The following B3GLCT variants were observed in gnomAD, a reference collection of about 807,000 sequenced individuals.
B3GLCT encodes the protein beta-1,3-glucosyltransferase.
B3GLCT carries 65 observed loss-of-function variants against 63.4 expected under a neutral mutation model. The observed-to-expected ratio is 1.03, with a 90% confidence interval of 0.84 to 1.26. The LOEUF (loss-of-function observed/expected upper bound fraction) is 1.26. Among genes scored for constraint, B3GLCT ranks in the 50% most tolerant of loss-of-function variants. The pLI, the probability that B3GLCT is intolerant of heterozygous loss-of-function variation, is 0.00. For missense variants in B3GLCT, 577 were observed against 604.8 expected, an observed-to-expected ratio of 0.95 and a Z score of 0.48; for synonymous variants, 233 against 219.2, an observed-to-expected ratio of 1.06 and a Z score of -0.55.
intron 12 of B3GLCT, chr13:31,311,303 A>T (rs766520590): frequency 6.6e-6 from 1 of 152,352 alleles, no homozygotes; most frequent in African/African-American, 2.4e-5. Context: ...TGGACAGCTC[A>T]GTAGTCTGAC....
At chr13:31,317,320 G>A (rs1875088032) in intron 12 of B3GLCT, among the ~76,000 whole-genome samples, 1 of 152,162 alleles carries the variant, frequency 6.6e-6, no homozygotes, top group Non-Finnish European at 1.5e-5. Flanking sequence ...TGTAAAAACT[G>A]AGGAACAAGC....
At chr13:31,289,496 G>T (rs1215986381) in intron 12 of B3GLCT, among the ~76,000 whole-genome samples, 1 of 152,038 alleles carries the variant, frequency 6.6e-6, no homozygotes, top group East Asian at 1.9e-4. Context: ...GTGAAAGAAA[G>T]AATCTTTAAA....
chr13:31,229,356 C>A, intron 4 of B3GLCT, 62 bp downstream of exon 4: 1 of 973,242 alleles, frequency 1.0e-6, no homozygotes, highest in Non-Finnish European at 1.7e-6. Context: ...TGATGTTTTC[C>A]AAAACACTGG....
chr13:31,241,958 T>C (rs1870970698), intron 4 of B3GLCT, among the ~76,000 whole-genome samples: 1 of 152,168 alleles, frequency 6.6e-6, no homozygotes, highest in Non-Finnish European at 1.5e-5. Flanking sequence ...TTGTAGCTTT[T>C]TTTGAGTGCT....
At chr13:31,245,570 T>C (rs373407902) in intron 4 of B3GLCT, among the ~76,000 whole-genome samples, 9 of 152,186 alleles carry the variant, frequency 5.9e-5, no homozygotes, top group African/African-American at 1.9e-4. Context: ...TCCGTTGTTA[T>C]AAAGTTTTCA....
chr13:31,246,440 G>A (rs1871197207), intron 4 of B3GLCT, among the ~76,000 whole-genome samples: 4 of 152,034 alleles, frequency 2.6e-5, no homozygotes, highest in Admixed American at 2.6e-4. Flanking sequence ...CCATTATTAT[G>A]CTATTCCTGT....
intron 13 of B3GLCT, among the ~76,000 whole-genome samples, chr13:31,321,453 G>T (rs910734494): frequency 6.6e-6 from 1 of 152,218 alleles, no homozygotes; most frequent in Non-Finnish European, 1.5e-5. Context: ...GAGTGGAATA[G>T]AATAAAATGG....
In B3GLCT at chr13:31,284,659, A is replaced by G. The variant is rs1263272224; in HGVS notation, c.862A>G (p.Lys288Glu). Residue 288 changes from lysine to glutamate, a missense_variant, in exon 11 of 15, where the codon AAG becomes GAG. Coordinates refer to ENST00000343307, the MANE Select transcript of B3GLCT (RefSeq NM_194318.4). ...KFHGDRIPIV[K>E]QTWESQASLI... ...TGTAATTTTTTCAGTACCTATTGTT[A>G]AGCAGACTTGGGAGAGCCAGGCAAG... The G allele has an allele frequency of 1.9e-6, 3 of 1,597,664 alleles. No homozygotes were observed. The highest frequency in any genetic ancestry group is 8.6e-7 in the Non-Finnish European group (1 of 1,165,166).
At chr13:31,308,434 G>A (rs1318752914) in intron 12 of B3GLCT, among the ~76,000 whole-genome samples, 1 of 151,294 alleles carries the variant, frequency 6.6e-6, no homozygotes, top group Non-Finnish European at 1.5e-5. Context: ...GTTCTACTTG[G>A]CATTTATAGG....
chr13:31,328,961 A>G (rs1875775743), intron 14 of B3GLCT, among the ~76,000 whole-genome samples: 1 of 152,180 alleles, frequency 6.6e-6, no homozygotes, highest in Non-Finnish European at 1.5e-5. Context: ...GAACTAGACT[A>G]GATATTTGGT....
In B3GLCT at chr13:31,229,213, G is replaced by C; in HGVS notation, c.189G>C (p.Gln63His). ...TAAAAGGAATTGTATTCGTCATCCA[G>C]AGTCAAAGTAATTCTTTTCATGCAA... ...IDLKGIVFVI[Q>H]SQSNSFHAKR... Residue 63 changes from glutamine to histidine, a missense_variant, in exon 4 of 15, where the codon CAG (glutamine) becomes CAC (histidine). Coordinates refer to ENST00000343307, the MANE Select transcript of B3GLCT (RefSeq NM_194318.4). 6.2e-7 allele frequency: 1 copy of C among 1,611,916 alleles called. No homozygotes were observed. Among genetic ancestry groups the C allele is most frequent in the South Asian group, 1.1e-5 (1 of 91,022 alleles).
chr13:31,298,383 A>G lies in B3GLCT; in HGVS notation c.1064+11564A>G, dbSNP rs528924017. 3.5e-4 allele frequency among the ~76,000 whole-genome samples: 54 copies of G among 152,318 alleles called. No homozygotes were observed. The South Asian group carries it at 0.011, about 30-fold the overall frequency. ...TAACTAGTCTAGTCCACTATATTGT[A>G]TTAATGTTTCCCAGAGTGAGTCCAC... is the stretch of plus-strand genomic sequence containing the variant. On this transcript the variant is annotated intron_variant, in intron 12 of 14. Coordinates refer to ENST00000343307, the MANE Select transcript of B3GLCT (RefSeq NM_194318.4).
chr13:31,278,810 G>A (rs989966230), intron 10 of B3GLCT, among the ~76,000 whole-genome samples: 1 of 152,122 alleles, frequency 6.6e-6, no homozygotes, highest in African/African-American at 2.4e-5. Flanking sequence ...ACATTTTCTG[G>A]TGTGTTTTTC....
chr13:31,329,576 G>T lies in B3GLCT; in HGVS notation c.1405G>T (p.Asp469Tyr), dbSNP rs141036237. The change falls in exon 15 of 15, where the codon GAT becomes TAT. Residue 469 changes from aspartate to tyrosine, a missense_variant. Physicochemically the swap from Asp to Tyr is radical, Grantham distance 160. Transcript: ENST00000343307. ...PISFHKHWNI[D>Y]PVKVYFTWLA... ...ATCGTTCCACAAACACTGGAACATC[G>T]ATCCAGTGAAGGTGTATTTCACATG... 382 of 1,613,946 alleles carry T rather than the reference G, an allele frequency of 2.4e-4. No individual in the cohort carries two copies. The highest frequency in any genetic ancestry group is 3.1e-4 in the Non-Finnish European group (371 of 1,180,036).
intron 12 of B3GLCT, among the ~76,000 whole-genome samples, chr13:31,316,814 A>G (rs1264894346): frequency 6.6e-6 from 1 of 152,152 alleles, no homozygotes; most frequent in Admixed American, 6.5e-5. Flanking sequence ...TTTTCATCCA[A>G]ACAGCAGCTG....
In B3GLCT at chr13:31,200,166, G is replaced by T; in HGVS notation, c.70+12G>T. On this transcript the variant is annotated intron_variant, in intron 1 of 14. Coordinates refer to ENST00000343307, the MANE Select transcript of B3GLCT (RefSeq NM_194318.4). Reference sequence around the variant, plus strand: ...CACCTGCTCCCTGGGTAAGTAGCGGGCGGCCAGGCGCGCAAGGGCGAGGCG... The same window carrying T: ...CACCTGCTCCCTGGGTAAGTAGCGGTCGGCCAGGCGCGCAAGGGCGAGGCG... 7.7e-7 allele frequency: 1 copy of T among 1,300,804 alleles called. No individual in the cohort carries two copies. Among genetic ancestry groups the T allele is most frequent in the Non-Finnish European group, 9.9e-7 (1 of 1,014,068 alleles). 80.6% of individuals were successfully genotyped at this position (1,300,804 alleles called of 1,614,324 possible). A position where few individuals can be genotyped will look rare whatever the true frequency, so the allele number is the denominator to read the frequency against.
At chr13:31,224,747 T>C (rs1870007529) in intron 3 of B3GLCT, among the ~76,000 whole-genome samples, 1 of 152,218 alleles carries the variant, frequency 6.6e-6, no homozygotes, top group African/African-American at 2.4e-5. Context: ...TGTGTGTGTA[T>C]GCATGCATAT....
At position 31,301,509 on chromosome 13, in the gene B3GLCT, G is replaced by A. The variant is rs79329675; in HGVS notation, c.1064+14690G>A. ...AAGAGATAAAACCATTTCACATGAAGTATGTTCAAATATGGCAGCTTTCAT... is the reference window on the plus strand; with the variant it reads ...AAGAGATAAAACCATTTCACATGAAATATGTTCAAATATGGCAGCTTTCAT... On this transcript the variant is annotated intron_variant, in intron 12 of 14. Transcript: ENST00000343307. Among the ~76,000 whole-genome samples, 836 of 152,324 alleles carry A rather than the reference G, an allele frequency of 5.5e-3. 12 individuals are homozygous for A. The highest frequency in any genetic ancestry group is 0.019 in the African/African-American group (802 of 41,560).
chr13:31,248,001 G>T (rs1394880622), intron 6 of B3GLCT, 35 bp downstream of exon 6: 1 of 1,165,064 alleles, frequency 8.6e-7, no homozygotes. Flanking sequence ...CTTATTTTGG[G>T]GGACAGTGTT....
Sources: gnomAD v4.1 joint callset for allele counts (sites outside exome capture counted in the v4.1 genomes callset) on GRCh38, gnomAD v4.1.1 for gene constraint, MANE v1.5 for transcripts, NCBI Gene and HGNC (gene_info 2026-07-23, HGNC 2026-07-21) for gene names.